NIM1K: variants seen among roughly 807,000 people sequenced by gnomAD.
The protein encoded by NIM1K is serine/threonine-protein kinase NIM1.
A neutral mutation model predicts 37.1 loss-of-function variants in NIM1K; 35 were observed. The observed-to-expected ratio is 0.94, with a 90% CI of 0.72 to 1.25. The LOEUF (loss-of-function observed/expected upper bound fraction) is 1.25, where lower values mean the gene tolerates loss of function less well. Ranked by LOEUF, NIM1K falls within the 50% of genes most tolerant of loss-of-function variation. The pLI is 0.00. For synonymous variants in NIM1K, 234 were observed against 206.6 expected (o/e 1.13, Z -1.14); for missense variants, 564 against 548.0 (o/e 1.03, Z -0.29).
In NIM1K at chr5:43,245,648, T is replaced by A. The variant is rs564415197; in HGVS notation, c.-128T>A. 23 of 877,562 alleles carry A rather than the reference T, an allele frequency of 2.6e-5. No individual in the cohort carries two copies. The African/African-American group carries it at 3.7e-4, about 14-fold the overall frequency. The allele number at this position is 877,562 out of a possible 1,614,324, so 54.4% of individuals were successfully genotyped here. A position where few individuals can be genotyped will look rare whatever the true frequency, so the allele number is the denominator to read the frequency against. On this transcript the variant is annotated 5_prime_UTR_variant, in exon 2 of 4. Coordinates refer to ENST00000326035, the MANE Select transcript of NIM1K (RefSeq NM_153361.4). ...AAAGCCGAGAGGGAGGCTGCTCAGC[T>A]CTCAGGAAAACTCTTTTGAACCCTG...
At chr5:43,275,061 C>T (rs1321829543) in intron 2 of NIM1K, among the ~76,000 whole-genome samples, 3 of 152,056 alleles carry the variant, frequency 2.0e-5, no homozygotes, top group Non-Finnish European at 4.4e-5. Context: ...TACAGTAAGT[C>T]TATATTCATG....
intron 1 of NIM1K, among the ~76,000 whole-genome samples, chr5:43,201,444 C>T (rs1752019238): frequency 6.6e-6 from 1 of 151,860 alleles, no homozygotes; most frequent in African/African-American, 2.4e-5. Flanking sequence ...AGTTGATATG[C>T]CAGGGACTTT....
At chr5:43,246,205 G>A (rs750648093) in intron 2 of NIM1K, 138 bp downstream of exon 2, 22 of 622,554 alleles carry the variant, frequency 3.5e-5, no homozygotes, top group South Asian at 7.4e-5. Flanking sequence ...TGTGCCAGCC[G>A]CCTTCTGTGG....
chr5:43,192,577 G>T (rs1020355643), intron 1 of NIM1K, among the ~76,000 whole-genome samples, 166 bp downstream of exon 1: 2 of 152,224 alleles, frequency 1.3e-5, no homozygotes, highest in African/African-American at 4.8e-5. Flanking sequence ...GTCAGAAGAA[G>T]GTTAGGCGCT....
At chr5:43,243,376 C>A (rs1752732002) in intron 1 of NIM1K, among the ~76,000 whole-genome samples, 1 of 152,052 alleles carries the variant, frequency 6.6e-6, no homozygotes, top group Non-Finnish European at 1.5e-5. Flanking sequence ...GCCACTTGAC[C>A]TTCACAGAGA....
At chr5:43,279,953 G>C (rs113928289) in intron 3 of NIM1K, 27 bp from the exon 4 acceptor site, 24 of 1,573,688 alleles carry the variant, frequency 1.5e-5, no homozygotes, top group Non-Finnish European at 2.0e-5. Context: ...CTGTAAAAAT[G>C]ACTTTTCTCT....
chr5:43,204,081 G>GTTTTTTTTTT (rs70994605), intron 1 of NIM1K, among the ~76,000 whole-genome samples: 1 of 85,372 alleles, frequency 1.2e-5, no homozygotes, highest in Non-Finnish European at 2.0e-5. Flanking sequence ...AGTTCCAATG[G>GTTTTTTTTTT]TTTTTTTTTT....
chr5:43,212,963 G>T (rs1406784707), intron 1 of NIM1K, among the ~76,000 whole-genome samples: 1 of 152,158 alleles, frequency 6.6e-6, no homozygotes, highest in Non-Finnish European at 1.5e-5. Flanking sequence ...CAGGTGCAGA[G>T]TAGAATATGG....
chr5:43,219,093 G>A (rs544918989), intron 1 of NIM1K, among the ~76,000 whole-genome samples: 90 of 152,248 alleles, frequency 5.9e-4, no homozygotes, highest in Non-Finnish European at 1.2e-3. Flanking sequence ...ATCATGTGAA[G>A]GAGGACATGT....
intron 1 of NIM1K, among the ~76,000 whole-genome samples, chr5:43,198,846 TGAG>T: frequency 6.6e-6 from 1 of 152,092 alleles, no homozygotes; most frequent in East Asian, 1.9e-4. Context: ...ATCTGAAAAA[TGAG>T]GATAATAGCA....
intron 1 of NIM1K, among the ~76,000 whole-genome samples, chr5:43,198,131 AT>A (rs138828734): frequency 9.4e-6 from 1 of 105,940 alleles, no homozygotes; most frequent in Non-Finnish European, 2.0e-5. Context: ...GGCCAATATG[AT>A]TTCTTTCTTT....
intron 1 of NIM1K, chr5:43,232,966 A>G: frequency 8.9e-7 from 1 of 1,129,918 alleles, no homozygotes; most frequent in Non-Finnish European, 1.3e-6. Context: ...CATGGGTTTC[A>G]GGTCTAGAAA....
intron 2 of NIM1K, among the ~76,000 whole-genome samples, chr5:43,273,576 A>G (rs1250539946): frequency 1.3e-5 from 2 of 152,118 alleles, no homozygotes; most frequent in African/African-American, 2.4e-5. Flanking sequence ...ATGTTTTCTC[A>G]TTGCCCTATA....
rs1752565412 is a variant in NIM1K at position 43,233,061 on chromosome 5, A to T, written c.-694-12021A>T. On this transcript the variant is annotated intron_variant, in intron 1 of 3. Transcript: ENST00000326035. The stretch of plus-strand genomic sequence containing the variant: ...CATCTCCTCCCCGAGTGGTCTTGTC[A>T]CTTGGCATCTGGCCATTGGGCTGGA... 3 of 1,331,218 alleles carry T rather than the reference A, an allele frequency of 2.3e-6. No individual in the cohort carries two copies. In the African/African-American group the frequency reaches 4.3e-5, roughly 19 times the overall value. The allele number at this position is 1,331,218 out of a possible 1,614,324, so 82.5% of individuals were successfully genotyped here.
At chr5:43,243,089 A>G (rs1274076042) in intron 1 of NIM1K, 2 of 152,354 alleles carry the variant, frequency 1.3e-5, no homozygotes, top group Non-Finnish European at 2.9e-5. Context: ...GGCTTGAGCC[A>G]CTGTGCCCGG....
chr5:43,268,059 C>G (rs11743187), intron 2 of NIM1K, among the ~76,000 whole-genome samples: 1 of 152,038 alleles, frequency 6.6e-6, no homozygotes, highest in African/African-American at 2.4e-5. Context: ...TGAAGTATCC[C>G]ACTATTATTG....
intron 1 of NIM1K, chr5:43,233,298 G>A: frequency 2.3e-6 from 1 of 427,726 alleles, no homozygotes; most frequent in South Asian, 4.9e-5. Flanking sequence ...TTCTTCTAAG[G>A]CAAGAGTGAC....
chr5:43,211,979 T>C (rs968860474), intron 1 of NIM1K, among the ~76,000 whole-genome samples: 1 of 152,152 alleles, frequency 6.6e-6, no homozygotes, highest in African/African-American at 2.4e-5. Flanking sequence ...AAGCTAACCA[T>C]ATAAGACTAA....
At chr5:43,254,255 T>C (rs1308035876) in intron 2 of NIM1K, among the ~76,000 whole-genome samples, 1 of 152,178 alleles carries the variant, frequency 6.6e-6, no homozygotes, top group African/African-American at 2.4e-5. Flanking sequence ...TGACTCCCAG[T>C]TTCCAGTTTT....
Sources: gnomAD v4.1 joint callset for allele counts (sites outside exome capture counted in the v4.1 genomes callset) on GRCh38, gnomAD v4.1.1 for gene constraint, MANE v1.5 for transcripts, NCBI Gene and HGNC (gene_info 2026-07-23, HGNC 2026-07-21) for gene names.